The following HS3ST3A1 variants were observed in gnomAD, a reference collection of about 807,000 sequenced individuals.
HS3ST3A1 encodes heparan sulfate glucosamine 3-O-sulfotransferase 3A1.
HS3ST3A1 carries 19 observed loss-of-function variants against 25.7 expected under a neutral mutation model. The observed-to-expected ratio is 0.74, with a 90% CI of 0.52 to 1.08. HS3ST3A1 has a LOEUF of 1.08. Ranked by LOEUF, HS3ST3A1 falls within the 50% of genes least tolerant of loss-of-function variation. HS3ST3A1 has a pLI of 0.00. For synonymous variants in HS3ST3A1, 226 were observed against 278.6 expected (o/e 0.81, Z 1.88); for missense variants, 459 against 594.3 (o/e 0.77, Z 2.37).
chr17:13,562,067 A>G (rs1907564452), intron 1 of HS3ST3A1, among the ~76,000 whole-genome samples: 1 of 152,124 alleles, frequency 6.6e-6, no homozygotes, highest in Non-Finnish European at 1.5e-5. Flanking sequence ...AGCAAAGACC[A>G]GCGTTTGTGA....
intron 1 of HS3ST3A1, among the ~76,000 whole-genome samples, chr17:13,537,383 A>G (rs1030093857): frequency 6.6e-6 from 1 of 152,222 alleles, no homozygotes; most frequent in African/African-American, 2.4e-5. Context: ...CTGACTTTCT[A>G]TTTGGCAGGC....
intron 1 of HS3ST3A1, among the ~76,000 whole-genome samples, chr17:13,513,096 T>A (rs1905930762): frequency 6.6e-6 from 1 of 151,970 alleles, no homozygotes; most frequent in Non-Finnish European, 1.5e-5. Flanking sequence ...ATGTAAAGGG[T>A]GGGCCAGAAG....
chr17:13,538,617 G>A (rs1343127136), intron 1 of HS3ST3A1, among the ~76,000 whole-genome samples: 1 of 152,186 alleles, frequency 6.6e-6, no homozygotes. Context: ...CTCCTGAAAG[G>A]TGAGAACATT....
intron 1 of HS3ST3A1, among the ~76,000 whole-genome samples, chr17:13,558,921 C>T (rs1907452792): frequency 6.6e-6 from 1 of 152,144 alleles, no homozygotes; most frequent in Admixed American, 6.5e-5. Flanking sequence ...TGGTAGATTA[C>T]AATGGTTTAA....
At chr17:13,592,508 A>T (rs2142393836) in intron 1 of HS3ST3A1, among the ~76,000 whole-genome samples, 1 of 152,360 alleles carries the variant, frequency 6.6e-6, no homozygotes, top group South Asian at 2.1e-4. Flanking sequence ...AAATGGAAAA[A>T]TGCCAAACAA....
chr17:13,570,440 T>C (rs1434966061), intron 1 of HS3ST3A1, among the ~76,000 whole-genome samples: 1 of 152,206 alleles, frequency 6.6e-6, no homozygotes, highest in Non-Finnish European at 1.5e-5. Flanking sequence ...TAATCACTCA[T>C]CCATAATTCC....
chr17:13,596,604 G>A (rs888467016), intron 1 of HS3ST3A1, among the ~76,000 whole-genome samples: 28 of 151,848 alleles, frequency 1.8e-4, no homozygotes, highest in African/African-American at 6.5e-4. Context: ...AGACAAGTAC[G>A]CTAGACTCAG....
chr17:13,506,181 A>G (rs1299532923), intron 1 of HS3ST3A1, among the ~76,000 whole-genome samples: 2 of 151,230 alleles, frequency 1.3e-5, no homozygotes, highest in African/African-American at 4.9e-5. Context: ...TGGATCATGT[A>G]TCTCCATGAA....
chr17:13,518,638 G>A (rs1286518439), intron 1 of HS3ST3A1, among the ~76,000 whole-genome samples: 2 of 152,158 alleles, frequency 1.3e-5, no homozygotes, highest in African/African-American at 4.8e-5. Context: ...TGGAACATTA[G>A]CACTTGTGCT....
At chr17:13,570,718 C>A (rs1339694424) in intron 1 of HS3ST3A1, among the ~76,000 whole-genome samples, 1 of 152,230 alleles carries the variant, frequency 6.6e-6, no homozygotes, top group Non-Finnish European at 1.5e-5. Flanking sequence ...AATTCGCCAG[C>A]CTCAGCCTCC....
At chr17:13,531,796 A>C (rs1404755195) in intron 1 of HS3ST3A1, among the ~76,000 whole-genome samples, 1 of 152,178 alleles carries the variant, frequency 6.6e-6, no homozygotes, top group East Asian at 1.9e-4. Flanking sequence ...TTAATATGCA[A>C]ATTTCTCCTT....
At chr17:13,588,570 C>T (rs150404161) in intron 1 of HS3ST3A1, among the ~76,000 whole-genome samples, 104 of 152,250 alleles carry the variant, frequency 6.8e-4, no homozygotes, top group African/African-American at 2.3e-3. Context: ...ATCCTTTCAG[C>T]GCACACACAT....
At chr17:13,587,118 G>A (rs890290806) in intron 1 of HS3ST3A1, among the ~76,000 whole-genome samples, 59 of 151,784 alleles carry the variant, frequency 3.9e-4, no homozygotes, top group Non-Finnish European at 7.4e-4. Context: ...ATTGGACTGT[G>A]CTGTCCTTTT....
intron 1 of HS3ST3A1, among the ~76,000 whole-genome samples, chr17:13,509,612 G>A (rs374377674): frequency 2.6e-5 from 4 of 152,248 alleles, no homozygotes; most frequent in East Asian, 3.9e-4. Flanking sequence ...GAGATTGATA[G>A]GTTACAAGGA....
intron 1 of HS3ST3A1, among the ~76,000 whole-genome samples, chr17:13,543,096 A>G (rs1272385722): frequency 6.6e-6 from 1 of 152,162 alleles, no homozygotes; most frequent in East Asian, 1.9e-4. Context: ...ATCCTTTGTA[A>G]TATCCTTTGT....
intron 1 of HS3ST3A1, among the ~76,000 whole-genome samples, chr17:13,575,562 GTCAA>G (rs1447319520): frequency 1.3e-5 from 2 of 152,124 alleles, no homozygotes; most frequent in South Asian, 2.1e-4. Flanking sequence ...TATTCTAGGG[GTCAA>G]TCAAAGATTT....
chr17:13,577,841 G>A (rs866019604), intron 1 of HS3ST3A1, among the ~76,000 whole-genome samples: 2 of 151,416 alleles, frequency 1.3e-5, no homozygotes, highest in African/African-American at 4.9e-5. Flanking sequence ...TTTTAAAGAA[G>A]ACAAGAAATT....
Position 13,601,249 on chromosome 17 carries a change from CT to C in HS3ST3A1, c.-121del. On this transcript the variant is annotated 5_prime_UTR_variant, in exon 1 of 2. Coordinates refer to ENST00000284110, the MANE Select transcript of HS3ST3A1 (RefSeq NM_006042.3). ...ACGGAGGCCACATCGCCGTGCGCCC[CT>C]GTGGCCGTGCGAACTGTCCCGGGAG... 1.3e-6 allele frequency: 1 copy of C among 740,776 alleles called. No homozygotes were observed. Among genetic ancestry groups the C allele is most frequent in the South Asian group, 2.2e-5 (1 of 46,070 alleles). The allele number at this position is 740,776 out of a possible 1,614,324, so 45.9% of individuals were successfully genotyped here. A position where few individuals can be genotyped will look rare whatever the true frequency, so the allele number is the denominator to read the frequency against.
rs1169571453 is a variant in HS3ST3A1 at position 13,600,908 on chromosome 17, G to A, written c.222C>T (p.Gly74=). ...CCGGCCACACCGCCAGCTCCCTCGG[G>A]CCTCCGGCCAGGACGCCGCCACCAG... is the stretch of plus-strand genomic sequence containing the variant. ...GAPGGGVLAG[G]PRELAVWPAA... The change falls in exon 1 of 2, where the codon GGC becomes GGT. Residue 74 remains glycine (G), a synonymous_variant. Coordinates refer to ENST00000284110, the MANE Select transcript of HS3ST3A1 (RefSeq NM_006042.3). 2 of 1,517,336 alleles carry A rather than the reference G, an allele frequency of 1.3e-6. No individual in the cohort carries two copies. Among genetic ancestry groups the A allele is most frequent in the South Asian group, 2.5e-5 (2 of 81,196 alleles). The allele number at this position is 1,517,336 out of a possible 1,614,324, so 94.0% of individuals were successfully genotyped here. A position where few individuals can be genotyped will look rare whatever the true frequency, so the allele number is the denominator to read the frequency against.
Sources: allele counts gnomAD v4.1 joint callset (sites outside exome capture counted in the v4.1 genomes callset), GRCh38; gene constraint gnomAD v4.1.1; transcripts MANE v1.5; gene names NCBI Gene and HGNC (gene_info 2026-07-23, HGNC 2026-07-21).